ZNF20: variants seen among roughly 807,000 people sequenced by gnomAD.
The protein encoded by ZNF20 is zinc finger protein 20.
ZNF20 carries 9 observed loss-of-function variants against 11.0 expected under a neutral mutation model. That is an observed-to-expected ratio of 0.82 (90% CI 0.49 to 1.43). The LOEUF (loss-of-function observed/expected upper bound fraction) is 1.43. ZNF20 is among the 40% of genes most tolerant of loss of function. The pLI is 0.00. For synonymous variants in ZNF20, 182 were observed against 213.0 expected (o/e 0.85, Z 1.27); for missense variants, 528 against 640.8 (o/e 0.82, Z 1.90).
chr19:12,132,686 G>T lies in ZNF20; in HGVS notation c.1500C>A (p.His500Gln). 3 of 1,614,166 alleles carry T rather than the reference G, an allele frequency of 1.9e-6. No homozygotes were observed. Among genetic ancestry groups the T allele is most frequent in the Non-Finnish European group, 2.5e-6 (3 of 1,180,020 alleles). Residue 500 changes from histidine to glutamine, a missense_variant, in exon 4 of 4, where the codon CAC becomes CAA. Coordinates refer to ENST00000334213, the MANE Select transcript of ZNF20 (RefSeq NM_021143.4). ...TGCATTGATAGGGTTTCTCTCCAGT[G>T]TGAGTCCTTTCATGATATCGAATGT... Reference protein sequence around the residue: ...SNYIRYHERTHTGEKPYQCKQ... With the variant: ...SNYIRYHERTQTGEKPYQCKQ...
chr19:12,132,795 C>A lies in ZNF20; in HGVS notation c.1391G>T (p.Ser464Ile). The A allele has an allele frequency of 6.2e-7, 1 of 1,612,388 alleles. No individual in the cohort carries two copies. Among genetic ancestry groups the A allele is most frequent in the Non-Finnish European group, 8.5e-7 (1 of 1,179,602 alleles). ...KVCGKAFTCS[S>I]SIRYHERTHT... Reference sequence around the variant, plus strand: ...AGTCCTTTCATGATATCGAATGGAACTGGAACAAGTGAAGGCTTTGCCACA... The same window carrying A: ...AGTCCTTTCATGATATCGAATGGAAATGGAACAAGTGAAGGCTTTGCCACA... The change falls in exon 4 of 4, where the codon AGT (serine) becomes ATT (isoleucine). Residue 464 changes from serine (S) to isoleucine (I), a missense_variant. By Grantham distance (142) the Ser-to-Ile change is moderately radical. Coordinates refer to ENST00000334213, the MANE Select transcript of ZNF20 (RefSeq NM_021143.4).
At chr19:12,134,583 C>A (rs948003580) in intron 3 of ZNF20, among the ~76,000 whole-genome samples, 2 of 152,128 alleles carry the variant, frequency 1.3e-5, no homozygotes, top group African/African-American at 4.8e-5. Flanking sequence ...GTGGCAGTTG[C>A]AGTGAGCTAA....
rs374667498 is a variant in ZNF20, at chr19:12,132,459, A to G, written c.*128T>C. 1.2e-4 allele frequency: 110 copies of G among 928,496 alleles called. No homozygotes were observed. The highest frequency in any genetic ancestry group is 9.3e-4 in the East Asian group (38 of 40,956). The allele number at this position is 928,496 out of a possible 1,614,324, so 57.5% of individuals were successfully genotyped here. A position where few individuals can be genotyped will look rare whatever the true frequency, so the allele number is the denominator to read the frequency against. Reference sequence around the variant, plus strand: ...AAGTTCTTCTAGATTTTATTGTCCTATCGCAAGTCTCTCTTCTCAATTCAA... The same window carrying G: ...AAGTTCTTCTAGATTTTATTGTCCTGTCGCAAGTCTCTCTTCTCAATTCAA... On this transcript the variant is annotated 3_prime_UTR_variant, in exon 4 of 4. Coordinates refer to ENST00000334213, the MANE Select transcript of ZNF20 (RefSeq NM_021143.4).
At chr19:12,137,930 T>A (rs1976738219) in intron 1 of ZNF20, among the ~76,000 whole-genome samples, 1 of 151,622 alleles carries the variant, frequency 6.6e-6, no homozygotes, top group South Asian at 2.1e-4. Context: ...AGATGAAGAG[T>A]GTACCAGGAG....
chr19:12,138,356 G>A (rs1470702723), intron 1 of ZNF20, among the ~76,000 whole-genome samples: 1 of 149,498 alleles, frequency 6.7e-6, no homozygotes, highest in Non-Finnish European at 1.5e-5. Flanking sequence ...GAGGGCAGGA[G>A]AATCACCTGA....
chr19:12,140,040 G>T, intron 1 of ZNF20, 140 bp downstream of exon 1: 1 of 1,154,862 alleles, frequency 8.7e-7, no homozygotes, highest in Non-Finnish European at 1.2e-6. Context: ...CCGAGGGGAC[G>T]CAGGGACGAG....
At chr19:12,134,046 G>T (rs921695334) in intron 3 of ZNF20, 61 bp from the exon 4 acceptor site, 2 of 1,419,688 alleles carry the variant, frequency 1.4e-6, no homozygotes, top group African/African-American at 1.4e-5. Flanking sequence ...TTATAGGGCC[G>T]GGCACAGTGG....
Position 12,135,176 on chromosome 19 carries a change from G to C in ZNF20, c.200+324C>G, listed in dbSNP as rs144613986. 2.2e-3 allele frequency among the ~76,000 whole-genome samples: 307 copies of C among 139,954 alleles called. 2 individuals carry two copies. Among genetic ancestry groups the C allele is most frequent in the African/African-American group, 8.3e-3 (298 of 35,834 alleles). The allele number at this position is 139,954 out of a possible 152,430, so 91.8% of individuals were successfully genotyped here. ...TTTTTTTGAGACGGAGTCTCGCTCT[G>C]TCACCCAGGCTGGAGTGCAGTGGTG... On this transcript the variant is annotated intron_variant, in intron 3 of 3. Transcript: ENST00000334213.
At chr19:12,136,431 C>T (rs901722527) in intron 1 of ZNF20, among the ~76,000 whole-genome samples, 25 of 151,934 alleles carry the variant, frequency 1.6e-4, no homozygotes, top group Non-Finnish European at 2.6e-4. Context: ...CCTATAATCC[C>T]AGCACTTTGG....
chr19:12,140,199 G>A lies in ZNF20; in HGVS notation c.-17C>T. The A allele has an allele frequency of 1.2e-6, 2 of 1,602,360 alleles. No individual in the cohort carries two copies. The highest frequency in any genetic ancestry group is 1.7e-6 in the Non-Finnish European group (2 of 1,174,200). On this transcript the variant is annotated 5_prime_UTR_variant, in exon 1 of 4. Transcript: ENST00000334213. ...ACTCACCATTTCCCGGCTTCTGGGT[G>A]TCCCGGTGTCCTCTCTAGGGCTCCC... is the stretch of plus-strand genomic sequence containing the variant.
chr19:12,135,142 CTT>C (rs35937238), intron 3 of ZNF20, among the ~76,000 whole-genome samples: 8 of 142,188 alleles, frequency 5.6e-5, no homozygotes, highest in Non-Finnish European at 7.7e-5. Context: ...CATTTTCTCA[CTT>C]TTTTTTTTTT....
At position 12,132,462 on chromosome 19, in the gene ZNF20, G is replaced by C; in HGVS notation, c.*125C>G. On this transcript the variant is annotated 3_prime_UTR_variant, in exon 4 of 4. Transcript: ENST00000334213. ...TTCTTCTAGATTTTATTGTCCTATC[G>C]CAAGTCTCTCTTCTCAATTCAAAAA... 1.0e-6 allele frequency: 1 copy of C among 957,992 alleles called. No homozygotes were observed. The highest frequency in any genetic ancestry group is 1.7e-5 in the South Asian group (1 of 58,558). The allele number at this position is 957,992 out of a possible 1,614,324, so 59.3% of individuals were successfully genotyped here. A position where few individuals can be genotyped will look rare whatever the true frequency, so the allele number is the denominator to read the frequency against.
chr19:12,140,070 G>T, intron 1 of ZNF20, 110 bp downstream of exon 1: 1 of 1,405,934 alleles, frequency 7.1e-7, no homozygotes. Context: ...AGGGATTCGG[G>T]TCCCAGATCC....
At position 12,135,868 on chromosome 19, in the gene ZNF20, C is replaced by G; in HGVS notation, c.40G>C (p.Val14Leu). The stretch of plus-strand genomic sequence containing the variant: ...GCCCACTCCTCCTGGGTGAAGCTGA[C>G]AGCCACATCCTCAAAGGCCACTGAA... ...QDSVAFEDVA[V>L]SFTQEEWALL... Residue 14 changes from valine (V) to leucine (L), a missense_variant, in exon 2 of 4, where the codon GTC becomes CTC. By Grantham distance (32) the Val-to-Leu change is conservative. Coordinates refer to ENST00000334213, the MANE Select transcript of ZNF20 (RefSeq NM_021143.4). 1.2e-6 allele frequency: 2 copies of G among 1,614,132 alleles called. No individual in the cohort carries two copies. The highest frequency in any genetic ancestry group is 1.7e-6 in the Non-Finnish European group (2 of 1,180,012).
Position 12,135,683 on chromosome 19 carries a change from G to T in ZNF20, c.139+86C>A, listed in dbSNP as rs538397923. On this transcript the variant is annotated intron_variant, in intron 2 of 3. Coordinates refer to ENST00000334213, the MANE Select transcript of ZNF20 (RefSeq NM_021143.4). ...TGATTTATTCATCAAAGTATTTTTT[G>T]TCCATGTTCCAAATCAATGAACAGC... 1.1e-4 allele frequency: 177 copies of T among 1,591,962 alleles called. 2 individuals carry two copies. In the South Asian group the frequency reaches 1.9e-3, roughly 17 times the overall value.
intron 1 of ZNF20, among the ~76,000 whole-genome samples, chr19:12,136,628 G>A (rs1371990746): frequency 5.9e-5 from 9 of 151,528 alleles, no homozygotes; most frequent in South Asian, 4.2e-4. Context: ...CAGAGATTGC[G>A]GTGAGCTGAG....
Position 12,133,053 on chromosome 19 carries a change from C to T in ZNF20, c.1133G>A (p.Cys378Tyr), listed in dbSNP as rs1267327402. 4.3e-6 allele frequency: 7 copies of T among 1,614,058 alleles called. No homozygotes were observed. The highest frequency in any genetic ancestry group is 5.9e-6 in the Non-Finnish European group (7 of 1,179,962). Reference protein sequence around the residue: ...GCKQCGKGFRCASQLQIHERT... With the variant: ...GCKQCGKGFRYASQLQIHERT... ...TTCATGAATTTGAAGTTGTGAAGCA[C>T]ATCTAAAGCCTTTCCCACACTGCTT... is the stretch of plus-strand genomic sequence containing the variant. The change falls in exon 4 of 4, where the codon TGT becomes TAT. Residue 378 changes from cysteine (C) to tyrosine (Y), a missense_variant. Transcript: ENST00000334213.
Position 12,133,796 on chromosome 19 carries a change from G to A in ZNF20, c.390C>T (p.His130=). 1 of 1,614,136 alleles carries A rather than the reference G, an allele frequency of 6.2e-7. No homozygotes were observed. Residue 130 remains histidine (H), a synonymous_variant, in exon 4 of 4, where the codon CAC becomes CAT. Coordinates refer to ENST00000334213, the MANE Select transcript of ZNF20 (RefSeq NM_021143.4). The part of the protein sequence containing the change: ...LNTHIRADTG[H]KSSEYQEYGE... ...CATATTCCTGATACTCAGATGACTT[G>A]TGTCCAGTGTCAGCTCTGATATGCG... is the stretch of plus-strand genomic sequence containing the variant.
rs1310274631 is a variant in ZNF20, at chr19:12,139,394, T to C, written c.3+786A>G. 1.3e-5 allele frequency among the ~76,000 whole-genome samples: 2 copies of C among 152,218 alleles called. No homozygotes were observed. The highest frequency in any genetic ancestry group is 2.9e-5 in the Non-Finnish European group (2 of 68,044). On this transcript the variant is annotated intron_variant, in intron 1 of 3. Transcript: ENST00000334213. The surrounding 1 kb of genome is among the most constrained non-coding windows in gnomAD (Gnocchi z 4.0). ...TTGCTTTGTGCGTTTTGTCCAATTCTTTGTTCAAGACGCCAAGAACCTGGA... is the reference window on the plus strand; with the variant it reads ...TTGCTTTGTGCGTTTTGTCCAATTCCTTGTTCAAGACGCCAAGAACCTGGA...
Sources: allele counts gnomAD v4.1 joint callset (sites outside exome capture counted in the v4.1 genomes callset), GRCh38; gene constraint gnomAD v4.1.1; non-coding constraint Gnocchi (gnomAD v3.1); transcripts MANE v1.5; gene names NCBI Gene and HGNC (gene_info 2026-07-23, HGNC 2026-07-21).